Variants in GNAT3 observed in about 807,000 individuals in gnomAD.
GNAT3 encodes the protein guanine nucleotide-binding protein G(t) subunit alpha-3.
Under a neutral mutation model 37.7 loss-of-function variants are expected in GNAT3, and 31 were observed. The observed-to-expected ratio is 0.82, with a 90% CI of 0.62 to 1.11. GNAT3 has a LOEUF of 1.11. Among genes scored for constraint, GNAT3 ranks in the 50% most tolerant of loss-of-function variants. The probability of loss-of-function intolerance (pLI) is 0.00; values close to 1 mark genes in which losing one functional copy is unlikely to be tolerated. For missense variants in GNAT3, 437 were observed against 412.5 expected (o/e 1.06, Z -0.51); for synonymous variants, 138 against 139.8 (o/e 0.99, Z 0.09).
chr7:80,510,781 G>A (rs1791050800), intron 1 of GNAT3, among the ~76,000 whole-genome samples: 1 of 152,110 alleles, frequency 6.6e-6, no homozygotes, highest in Non-Finnish European at 1.5e-5. Flanking sequence ...TTGCCACTGG[G>A]AGCAAATTAG....
At chr7:80,478,746 TCC>T in intron 4 of GNAT3, 93 bp downstream of exon 4, 1 of 1,199,802 alleles carries the variant, frequency 8.3e-7, no homozygotes. Context: ...CCATTTATTT[TCC>T]TCATTTGAAT....
chr7:80,474,146 C>G, intron 5 of GNAT3, 105 bp downstream of exon 5: 1 of 1,112,360 alleles, frequency 9.0e-7, no homozygotes, highest in East Asian at 2.6e-5. Context: ...GTGAGTACAT[C>G]CAAGGATTAT....
intron 2 of GNAT3, among the ~76,000 whole-genome samples, chr7:80,490,177 C>T (rs1358168138): frequency 2.0e-5 from 3 of 152,136 alleles, no homozygotes; most frequent in Admixed American, 2.0e-4. Flanking sequence ...CTTCCCAAAA[C>T]CATAGACTAG....
chr7:80,487,128 G>GT (rs1006431008), intron 3 of GNAT3, among the ~76,000 whole-genome samples: 30 of 151,944 alleles, frequency 2.0e-4, no homozygotes, highest in African/African-American at 4.6e-4. Context: ...TTTGAGCCTT[G>GT]TTTTTTTTAA....
chr7:80,501,951 G>A lies in GNAT3; in HGVS notation c.119-7304C>T, dbSNP rs992383179. Among the ~76,000 whole-genome samples, 7 of 151,848 alleles carry A rather than the reference G, an allele frequency of 4.6e-5. No homozygotes were observed. In the South Asian group the frequency reaches 1.0e-3, roughly 23 times the overall value. ...TGTTTCATTCATGAGAAAGAATATT[G>A]TAGCTATATACTATCTTTCCTTTTT... On this transcript the variant is annotated intron_variant, in intron 1 of 7. Transcript: ENST00000398291.
At chr7:80,490,036 A>G (rs189650128) in intron 2 of GNAT3, among the ~76,000 whole-genome samples, 2 of 152,230 alleles carry the variant, frequency 1.3e-5, no homozygotes, top group East Asian at 3.9e-4. Flanking sequence ...TGCATATATA[A>G]ATTTCAGTGA....
At chr7:80,460,710 T>TGG (rs1790033854) in intron 7 of GNAT3, among the ~76,000 whole-genome samples, 1 of 151,532 alleles carries the variant, frequency 6.6e-6, no homozygotes, top group Non-Finnish European at 1.5e-5. Context: ...ATCGTGCCAC[T>TGG]GCACTCCAGC....
At position 80,510,968 on chromosome 7, in the gene GNAT3, T is replaced by C. The variant is rs575814314; in HGVS notation, c.118+841A>G. ...ATCAGGGAGAAAGTACAACTCATAA[T>C]TGAATCAGAAGTAAGTGCTTGCTTT... is the stretch of plus-strand genomic sequence containing the variant. On this transcript the variant is annotated intron_variant, in intron 1 of 7. Coordinates refer to ENST00000398291, the MANE Select transcript of GNAT3 (RefSeq NM_001102386.3). Among the ~76,000 whole-genome samples the C allele has an allele frequency of 6.6e-5, 10 of 152,272 alleles. No homozygotes were observed. In the South Asian group the frequency reaches 1.9e-3, roughly 28 times the overall value.
At chr7:80,479,409 A>G (rs1434718341) in intron 3 of GNAT3, among the ~76,000 whole-genome samples, 1 of 151,114 alleles carries the variant, frequency 6.6e-6, no homozygotes, top group Non-Finnish European at 1.5e-5. Flanking sequence ...ATTTTTCTAG[A>G]AAAAAAAAGC....
At chr7:80,466,936 T>C (rs1790137646) in intron 5 of GNAT3, among the ~76,000 whole-genome samples, 1 of 152,176 alleles carries the variant, frequency 6.6e-6, no homozygotes, top group Non-Finnish European at 1.5e-5. Context: ...AAAAGTCATA[T>C]TGGAATTGTG....
At chr7:80,505,657 C>T (rs1790924094) in intron 1 of GNAT3, among the ~76,000 whole-genome samples, 2 of 152,142 alleles carry the variant, frequency 1.3e-5, no homozygotes, top group Non-Finnish European at 2.9e-5. Flanking sequence ...TGAGCCACTG[C>T]GCCTGGCAGA....
intron 5 of GNAT3, among the ~76,000 whole-genome samples, chr7:80,473,144 T>A (rs890206140): frequency 6.6e-6 from 1 of 152,148 alleles, no homozygotes; most frequent in African/African-American, 2.4e-5. Flanking sequence ...GACGACAAAC[T>A]TTTCCTACAT....
intron 1 of GNAT3, among the ~76,000 whole-genome samples, chr7:80,505,938 A>C (rs1790931488): frequency 6.6e-6 from 1 of 152,224 alleles, no homozygotes; most frequent in Non-Finnish European, 1.5e-5. Flanking sequence ...AACTGCAATT[A>C]CTTTTGCACG....
intron 5 of GNAT3, among the ~76,000 whole-genome samples, chr7:80,470,477 T>C (rs1341471636): frequency 2.6e-5 from 4 of 152,202 alleles, no homozygotes; most frequent in African/African-American, 9.7e-5. Flanking sequence ...AGCCTCGGCC[T>C]CTCAAAGTGC....
chr7:80,476,764 G>GA (rs768856289), intron 4 of GNAT3, among the ~76,000 whole-genome samples: 23 of 149,024 alleles, frequency 1.5e-4, no homozygotes, highest in East Asian at 1.0e-3. Flanking sequence ...TCAGTGTTTG[G>GA]AAAAAAAAAT....
intron 7 of GNAT3, among the ~76,000 whole-genome samples, chr7:80,460,150 A>T (rs1292975913): frequency 6.6e-6 from 1 of 152,126 alleles, no homozygotes; most frequent in Non-Finnish European, 1.5e-5. Flanking sequence ...GAATAAAAAA[A>T]TTAGCTATCA....
intron 5 of GNAT3, among the ~76,000 whole-genome samples, chr7:80,466,825 T>G (rs755681559): frequency 6.6e-6 from 1 of 152,158 alleles, no homozygotes; most frequent in African/African-American, 2.4e-5. Flanking sequence ...AGCCTACTAA[T>G]GATGTGTTAA....
In GNAT3 at chr7:80,511,901, C is replaced by T; in HGVS notation, c.26G>A (p.Ser9Asn). Residue 9 changes from serine to asparagine, a missense_variant, in exon 1 of 8, where the codon AGC (serine) becomes AAC (asparagine). Physicochemically the swap from Ser to Asn is conservative, Grantham distance 46. Transcript: ENST00000398291. ...TTTTGATCTTTTGGCTGACTCCTTG[C>T]TCTCTGAACTAATTCCACTTCCCAT... MGSGISSE[S>N]KESAKRSKEL... is the part of the protein sequence containing the mutation. 1 of 1,611,044 alleles carries T rather than the reference C, an allele frequency of 6.2e-7. No individual in the cohort carries two copies. The highest frequency in any genetic ancestry group is 8.5e-7 in the Non-Finnish European group (1 of 1,178,054).
intron 1 of GNAT3, among the ~76,000 whole-genome samples, chr7:80,500,280 C>T (rs1278297169): frequency 6.6e-6 from 1 of 150,900 alleles, no homozygotes. Flanking sequence ...AGTTTTTCTA[C>T]TTTTTTTCAC....
Sources: allele counts gnomAD v4.1 joint callset (sites outside exome capture counted in the v4.1 genomes callset), GRCh38; gene constraint gnomAD v4.1.1; transcripts MANE v1.5; gene names NCBI Gene and HGNC (gene_info 2026-07-23, HGNC 2026-07-21).